Variants in IL25 observed in about 807,000 individuals in gnomAD.
IL25 encodes the protein interleukin-25.
A neutral mutation model predicts 13.2 loss-of-function variants in IL25; 10 were observed. The observed-to-expected ratio is 0.76, with a 90% confidence interval of 0.47 to 1.29. The LOEUF is 1.29. Among genes scored for constraint, IL25 ranks in the 50% most tolerant of loss-of-function variants. IL25 has a pLI of 0.00. For missense variants in IL25, 235 were observed against 232.4 expected, an observed-to-expected ratio of 1.01 and a Z score of -0.07; for synonymous variants, 107 against 92.1, an observed-to-expected ratio of 1.16 and a Z score of -0.93.
At position 23,373,416 on chromosome 14, in the gene IL25, C is replaced by G. The variant is rs367945495; in HGVS notation, c.278+20C>G. 9.4e-6 allele frequency: 15 copies of G among 1,593,262 alleles called. No homozygotes were observed. The East Asian group carries it at 2.7e-4, about 29-fold the overall frequency. ...ATATGAGTGAGTCTGCTGCCCCTCC[C>G]GAATGCCTGCCCTGTGTGTGCTGGC... On this transcript the variant is annotated intron_variant, in intron 1 of 1. Coordinates refer to ENST00000329715, the Ensembl canonical transcript of IL25.
chr14:23,372,937 C>T (rs748595621), exon 1 of IL25: 1 of 1,609,620 alleles, frequency 6.2e-7, no homozygotes, highest in South Asian at 1.1e-5. Context: ...AGTCAGTGCC[C>T]CACTTGTGAC....
exon 1 of IL25, chr14:23,373,274 G>T (rs1214185780): frequency 6.2e-7 from 1 of 1,614,212 alleles, no homozygotes; most frequent in East Asian, 2.2e-5. Flanking sequence ...AGGAGCTGCT[G>T]AGGTGGAGCA....
At chr14:23,374,929 T>G (rs1890499197) in intron 1 of IL25, among the ~76,000 whole-genome samples, 1 of 152,106 alleles carries the variant, frequency 6.6e-6, no homozygotes, top group South Asian at 2.1e-4. Flanking sequence ...AATACTTGGA[T>G]GTCAGAGTGG....
At position 23,373,358 on chromosome 14, in the gene IL25, AC is replaced by A. The variant is rs1459575373; in HGVS notation, c.244del (p.Leu82SerfsTer17). The A allele has an allele frequency of 6.2e-7, 1 of 1,613,402 alleles. No individual in the cohort carries two copies. Among genetic ancestry groups the A allele is most frequent in the Non-Finnish European group, 8.5e-7 (1 of 1,179,736 alleles). On this transcript the variant is annotated frameshift_variant, in exon 1 of 2. Coordinates refer to ENST00000329715, the Ensembl canonical transcript of IL25. LOFTEE classifies it high-confidence loss of function. ...AGTCCTGTAGGGCCAGTGAAGATGG[AC>A]CCCTCAACAGCAGGGCCATCTCCCC... is the stretch of plus-strand genomic sequence containing the variant.
Position 23,373,583 on chromosome 14 carries a change from A to G in IL25, c.278+187A>G, listed in dbSNP as rs11465507. Among the ~76,000 whole-genome samples the G allele has an allele frequency of 4.5e-3, 683 of 150,440 alleles. 4 individuals carry two copies. The highest frequency in any genetic ancestry group is 0.01 in the Middle Eastern group (3 of 286). On this transcript the variant is annotated intron_variant, in intron 1 of 1. Coordinates refer to ENST00000329715, the Ensembl canonical transcript of IL25. ...TCATTGGATGATCTTGAGTCAATTCAAGTTTTCAAAACTCAGGGTTTTTTT... is the reference window on the plus strand; with the variant it reads ...TCATTGGATGATCTTGAGTCAATTCGAGTTTTCAAAACTCAGGGTTTTTTT...
At chr14:23,375,564 C>T in intron 1 of IL25, 61 bp from the exon 3 acceptor site, 2 of 1,573,694 alleles carry the variant, frequency 1.3e-6, no homozygotes, top group Admixed American at 3.5e-5. Flanking sequence ...ACTCCCATGC[C>T]ACCCCACCCT....
exon 2 of IL25, chr14:23,375,659 C>A: frequency 1.9e-6 from 3 of 1,614,234 alleles, no homozygotes; most frequent in Non-Finnish European, 1.7e-6. Context: ...CCCCCAGGAC[C>A]TGTACCACGC....
intron 1 of IL25, among the ~76,000 whole-genome samples, chr14:23,373,851 G>A (rs1379011167): frequency 6.6e-6 from 1 of 152,158 alleles, no homozygotes; most frequent in Non-Finnish European, 1.5e-5. Flanking sequence ...GCATACTAAA[G>A]GAGTGAAACC....
chr14:23,373,132 C>T (rs367845587), exon 1 of IL25: 1 of 1,614,120 alleles, frequency 6.2e-7, no homozygotes, highest in Non-Finnish European at 8.5e-7. Context: ...AGGGAGCGAC[C>T]CAGATTAGGT....
At chr14:23,372,962 CCAG>C in exon 1 of IL25, 1 of 1,613,620 alleles carries the variant, frequency 6.2e-7, no homozygotes, top group Non-Finnish European at 8.5e-7. Context: ...TGTGCAGTGC[CCAG>C]CATGTACCAG....
chr14:23,373,771 G>T (rs1033673283), intron 1 of IL25, among the ~76,000 whole-genome samples: 1 of 152,120 alleles, frequency 6.6e-6, no homozygotes, highest in Non-Finnish European at 1.5e-5. Context: ...AGGGAATAAT[G>T]GCATGATACA....
At chr14:23,373,480 T>C in intron 1 of IL25, 84 bp downstream of exon 2, 1 of 1,238,182 alleles carries the variant, frequency 8.1e-7, no homozygotes, top group Non-Finnish European at 1.1e-6. Context: ...TCCAGCTTAC[T>C]TTCCCATTTT....
At chr14:23,375,949 G>A (rs541482794) in exon 2 of IL25, 2 of 1,569,778 alleles carry the variant, frequency 1.3e-6, no homozygotes, top group South Asian at 2.4e-5. Flanking sequence ...TTGCCATGAA[G>A]GGCCAGGATG....
exon 2 of IL25, chr14:23,376,048 C>A: frequency 1.2e-6 from 1 of 864,056 alleles, no homozygotes; most frequent in Non-Finnish European, 1.7e-6. Context: ...TGCACTTCTG[C>A]ACATTTTGAA....
chr14:23,375,675 G>A lies in IL25; in HGVS notation c.329G>A (p.Cys110Tyr), dbSNP rs1160024262. ...CCCCAGGACCTGTACCACGCCCGTTGCCTGTGCCCGCACTGCGTCAGCCTA... is the reference window on the plus strand; with the variant it reads ...CCCCAGGACCTGTACCACGCCCGTTACCTGTGCCCGCACTGCGTCAGCCTA... Residue 110 changes from cysteine (C) to tyrosine (Y), a missense_variant, in exon 2 of 2, where the codon TGC (cysteine) becomes TAC (tyrosine). Cys to Tyr is a radical substitution (Grantham distance 194, BLOSUM62 -2). Coordinates refer to ENST00000329715, the Ensembl canonical transcript of IL25. 38 of 1,614,050 alleles carry A rather than the reference G, an allele frequency of 2.4e-5. No homozygotes were observed. The highest frequency in any genetic ancestry group is 3.1e-5 in the Non-Finnish European group (36 of 1,180,038).
In IL25 at chr14:23,375,616, C is replaced by T. The variant is rs374734021; in HGVS notation, c.279-9C>T. The T allele has an allele frequency of 8.7e-6, 14 of 1,610,324 alleles. No homozygotes were observed. In the African/African-American group the frequency reaches 1.6e-4, roughly 18 times the overall value. ...TCTTTCCAAGGCCTGACAAGTGCCG[C>T]CCCCACAGGTTGGACAGAGACTTGA... On this transcript the variant is annotated splice_polypyrimidine_tract_variant and intron_variant, in intron 1 of 1. Transcript: ENST00000329715.
exon 2 of IL25, chr14:23,376,003 A>G (rs1890546802): frequency 3.0e-6 from 4 of 1,316,474 alleles, no homozygotes; most frequent in Non-Finnish European, 3.1e-6. Context: ...GAGCAGCAGG[A>G]TCCCGGGACA....
chr14:23,375,582 T>G (rs1214026670), intron 1 of IL25, 43 bp from the exon 3 acceptor site: 1 of 1,595,070 alleles, frequency 6.3e-7, no homozygotes, highest in Admixed American at 1.7e-5. Flanking sequence ...CCTCTCTGTT[T>G]CCGGCCCATC....
intron 1 of IL25, among the ~76,000 whole-genome samples, chr14:23,374,253 G>A (rs1374533045): frequency 3.3e-5 from 5 of 152,138 alleles, no homozygotes; most frequent in African/African-American, 1.2e-4. Context: ...TGGCATGGGA[G>A]CTTCTTAGGG....
Sources: allele counts gnomAD v4.1 joint callset (sites outside exome capture counted in the v4.1 genomes callset), GRCh38; gene constraint gnomAD v4.1.1; transcripts MANE v1.5; gene names NCBI Gene and HGNC (gene_info 2026-07-23, HGNC 2026-07-21).